NCKAP5: variants seen among roughly 807,000 people sequenced by gnomAD.
The protein encoded by NCKAP5 is nck-associated protein 5.
Under a neutral mutation model 167.0 loss-of-function variants are expected in NCKAP5, and 92 were observed. That is an observed-to-expected ratio of 0.55 (90% CI 0.47 to 0.66). The LOEUF (loss-of-function observed/expected upper bound fraction) is 0.66, where lower values mean the gene tolerates loss of function less well. NCKAP5 is among the 30% of genes least tolerant of loss of function. NCKAP5 has a pLI of 0.00. For synonymous variants in NCKAP5, 891 were observed against 877.4 expected (o/e 1.02, Z -0.27); for missense variants, 2,378 against 2,315.0 (o/e 1.03, Z -0.56).
At chr2:133,268,599 C>T (rs1574553113) in intron 4 of NCKAP5, among the ~76,000 whole-genome samples, 1 of 151,664 alleles carries the variant, frequency 6.6e-6, no homozygotes, top group East Asian at 2.0e-4. Context: ...TCTCCTGCCT[C>T]AGCCTCCTGA....
intron 4 of NCKAP5, among the ~76,000 whole-genome samples, chr2:133,242,239 TTTTTCTTTTC>T (rs1018828113): frequency 1.3e-5 from 2 of 149,088 alleles, no homozygotes; most frequent in Non-Finnish European, 2.9e-5. Flanking sequence ...AAATACTCTG[TTTTTCTTTTC>T]TTTTCTTTTC....
intron 6 of NCKAP5, among the ~76,000 whole-genome samples, chr2:132,995,360 A>G (rs1258848290): frequency 6.6e-6 from 1 of 152,146 alleles, no homozygotes; most frequent in Non-Finnish European, 1.5e-5. Flanking sequence ...GTTTTAAAAA[A>G]CATTTTTTGG....
chr2:132,961,609 G>A (rs535233628), intron 8 of NCKAP5, among the ~76,000 whole-genome samples: 1 of 152,270 alleles, frequency 6.6e-6, no homozygotes, highest in African/African-American at 2.4e-5. Flanking sequence ...GGAATCAAGA[G>A]TTGTTGCCTG....
rs553357378 is a variant in NCKAP5 at position 132,790,497 on chromosome 2, T to G, written c.910-292A>C. On this transcript the variant is annotated intron_variant, in intron 12 of 19. Coordinates refer to ENST00000409261, the MANE Select transcript of NCKAP5 (RefSeq NM_207363.3). ...CTGTTGAATATCTCATGTAATTTAT[T>G]GAATACTGTGCTGAAAATGAACATC... Among the ~76,000 whole-genome samples, 12 of 152,336 alleles carry G rather than the reference T, an allele frequency of 7.9e-5. No homozygotes were observed. In the South Asian group the frequency reaches 2.5e-3, roughly 32 times the overall value.
chr2:133,035,595 T>A (rs117406931), intron 6 of NCKAP5, among the ~76,000 whole-genome samples: 1 of 151,894 alleles, frequency 6.6e-6, no homozygotes, highest in Non-Finnish European at 1.5e-5. Flanking sequence ...TTGAAATTAA[T>A]AATGAGAGGA....
chr2:133,671,131 C>T, the NCKAP5 span, among the ~76,000 whole-genome samples: 5 of 140,944 alleles, frequency 3.5e-5, no homozygotes, highest in African/African-American at 5.4e-5. Context: ...AGGGGAATGG[C>T]GAGAACCCAG....
chr2:133,461,115 G>T (rs1415244252), intron 3 of NCKAP5, among the ~76,000 whole-genome samples: 1 of 152,108 alleles, frequency 6.6e-6, no homozygotes, highest in East Asian at 1.9e-4. Flanking sequence ...AGATGGGATG[G>T]GGCAGGTGAA....
At chr2:133,671,747 A>AAC in the NCKAP5 span, among the ~76,000 whole-genome samples, 4 of 152,094 alleles carry the variant, frequency 2.6e-5, no homozygotes, top group African/African-American at 9.7e-5. Flanking sequence ...ACACAACAAC[A>AAC]ACAACAACAA....
intron 3 of NCKAP5, among the ~76,000 whole-genome samples, chr2:133,362,053 C>T (rs1017405517): frequency 6.6e-6 from 1 of 151,660 alleles, no homozygotes; most frequent in Non-Finnish European, 1.5e-5. Context: ...TATGCTGTGG[C>T]TTACAAATAC....
At chr2:133,262,730 C>A (rs2088974566) in intron 4 of NCKAP5, among the ~76,000 whole-genome samples, 1 of 152,182 alleles carries the variant, frequency 6.6e-6, no homozygotes, top group South Asian at 2.1e-4. Context: ...TCTACAGAAA[C>A]CCAACAGGAC....
intron 5 of NCKAP5, among the ~76,000 whole-genome samples, chr2:133,163,921 T>A (rs1384180183): frequency 2.0e-5 from 3 of 152,232 alleles, no homozygotes; most frequent in Admixed American, 2.0e-4. Flanking sequence ...AAATAATTTG[T>A]CTGTTTTGCA....
intron 6 of NCKAP5, chr2:133,123,519 A>AT (rs544265306): frequency 6.1e-4 from 128 of 211,010 alleles, no homozygotes; most frequent in Admixed American, 9.3e-4. Context: ...CTTCTGGTAG[A>AT]TTCACACAGA....
chr2:132,836,500 C>G (rs1687896122), intron 11 of NCKAP5, among the ~76,000 whole-genome samples: 1 of 151,456 alleles, frequency 6.6e-6, no homozygotes, highest in Non-Finnish European at 1.5e-5. Context: ...TCCCTCAACT[C>G]TCCAACTGCT....
At chr2:133,460,809 T>C (rs1692156044) in intron 3 of NCKAP5, among the ~76,000 whole-genome samples, 1 of 152,228 alleles carries the variant, frequency 6.6e-6, no homozygotes, top group African/African-American at 2.4e-5. Flanking sequence ...TTTTTGTATT[T>C]AGACTATTTC....
intron 4 of NCKAP5, among the ~76,000 whole-genome samples, chr2:133,248,802 C>A (rs918115228): frequency 3.3e-5 from 5 of 152,178 alleles, no homozygotes; most frequent in Admixed American, 6.5e-5. Flanking sequence ...CCGGTTCGTT[C>A]CCCAACCAGA....
the NCKAP5 span, among the ~76,000 whole-genome samples, chr2:133,627,554 C>T: frequency 6.6e-6 from 1 of 152,144 alleles, no homozygotes; most frequent in East Asian, 1.9e-4. Flanking sequence ...GCAGGTGGAT[C>T]ACCTGAGGCC....
In NCKAP5 at chr2:132,826,695, G is replaced by A. The variant is rs550915805; in HGVS notation, c.808-29966C>T. ...GAGTAGTGATAGAATTATAAGAGCA[G>A]CAGAGGCAGTCACCATTTAATGAGT... On this transcript the variant is annotated intron_variant, in intron 11 of 19. Transcript: ENST00000409261. 1.4e-3 allele frequency among the ~76,000 whole-genome samples: 212 copies of A among 152,300 alleles called. 1 individual carries two copies. Among genetic ancestry groups the A allele is most frequent in the African/African-American group, 4.8e-3 (201 of 41,568 alleles).
At chr2:132,993,967 T>C (rs952237041) in intron 7 of NCKAP5, among the ~76,000 whole-genome samples, 185 bp downstream of exon 7, 1 of 152,174 alleles carries the variant, frequency 6.6e-6, no homozygotes, top group Non-Finnish European at 1.5e-5. Context: ...ACAGTAGGAG[T>C]TTATGAAATG....
chr2:132,820,582 C>T (rs1373366631), intron 11 of NCKAP5, among the ~76,000 whole-genome samples: 1 of 151,768 alleles, frequency 6.6e-6, no homozygotes, highest in Non-Finnish European at 1.5e-5. Flanking sequence ...TAAAGCTGAA[C>T]ATTGGAAATA....
Sources: gnomAD v4.1 joint callset for allele counts (sites outside exome capture counted in the v4.1 genomes callset) on GRCh38, gnomAD v4.1.1 for gene constraint, MANE v1.5 for transcripts, NCBI Gene and HGNC (gene_info 2026-07-23, HGNC 2026-07-21) for gene names.